The following UBR1 variants were observed in gnomAD, a reference collection of about 807,000 sequenced individuals.
UBR1 encodes the protein ubiquitin protein ligase E3 component n-recognin 1.
A neutral mutation model predicts 242.1 loss-of-function variants in UBR1; 102 were observed. That is an observed-to-expected ratio of 0.42 (90% confidence interval 0.36 to 0.50). The LOEUF (loss-of-function observed/expected upper bound fraction) is 0.50, where lower values mean the gene tolerates loss of function less well. Ranked by LOEUF, UBR1 falls within the 20% of genes least tolerant of loss-of-function variation. UBR1 has a pLI of 0.01. For synonymous variants in UBR1, 675 were observed against 684.8 expected (o/e 0.99, Z 0.22); for missense variants, 1,772 against 2,101.8 (o/e 0.84, Z 3.07).
chr15:43,013,169 T>G (rs1319773476), intron 29 of UBR1, among the ~76,000 whole-genome samples: 1 of 152,196 alleles, frequency 6.6e-6, no homozygotes, highest in Non-Finnish European at 1.5e-5. Context: ...CCTCCCAAAG[T>G]GCTGGGATTA....
rs564775057 is a variant in UBR1 at position 43,005,220 on chromosome 15, G to A, written c.3416-1290C>T. On this transcript the variant is annotated intron_variant, in intron 30 of 46. Coordinates refer to ENST00000290650, the MANE Select transcript of UBR1 (RefSeq NM_174916.3). ...TGGGAAGTGAGGAGCATCTCCGCCCGGCAGCCGCCCGGTCCAGGAGGTGGG... is the reference window on the plus strand; with the variant it reads ...TGGGAAGTGAGGAGCATCTCCGCCCAGCAGCCGCCCGGTCCAGGAGGTGGG... 3.5e-3 allele frequency among the ~76,000 whole-genome samples: 532 copies of A among 151,778 alleles called. 2 individuals carry two copies. The highest frequency in any genetic ancestry group is 0.012 in the African/African-American group (500 of 41,350).
chr15:43,034,707 G>A (rs2033308092), intron 19 of UBR1, among the ~76,000 whole-genome samples: 1 of 151,884 alleles, frequency 6.6e-6, no homozygotes, highest in South Asian at 2.1e-4. Flanking sequence ...CCAACATGGA[G>A]AAACCCTGTC....
intron 4 of UBR1, among the ~76,000 whole-genome samples, chr15:43,071,431 A>G (rs575519275): frequency 6.4e-4 from 97 of 152,336 alleles, no homozygotes; most frequent in African/African-American, 2.3e-3. Context: ...AGCAGAAGAT[A>G]GAAAGGTGGT....
In UBR1 at chr15:42,984,890, C is replaced by T; in HGVS notation, c.4050G>A (p.Arg1350=). ...GKPLFGALQN[R]QHNGLKALMQ... The stretch of plus-strand genomic sequence containing the variant: ...TACCTTGTTGGAATATACATACCTG[C>T]CTATTTTGAAGTGCTCCAAACAGAG... Residue 1350 remains arginine (R), a synonymous_variant, in exon 36 of 47, where the codon AGG becomes AGA. Transcript: ENST00000290650. 1.9e-6 allele frequency: 3 copies of T among 1,611,186 alleles called. No homozygotes were observed. Among genetic ancestry groups the T allele is most frequent in the Non-Finnish European group, 1.7e-6 (2 of 1,177,952 alleles).
chr15:42,980,953 T>C (rs2032368980), intron 37 of UBR1, among the ~76,000 whole-genome samples: 1 of 152,168 alleles, frequency 6.6e-6, no homozygotes, highest in African/African-American at 2.4e-5. Flanking sequence ...CTCATCACTT[T>C]ACATAGAAAA....
At chr15:43,070,554 G>A (rs558257327) in intron 5 of UBR1, among the ~76,000 whole-genome samples, 2 of 152,172 alleles carry the variant, frequency 1.3e-5, no homozygotes, top group Admixed American at 1.3e-4. Flanking sequence ...CAAAAATGTT[G>A]ATTTTTTTTC....
chr15:42,996,193 T>C (rs1258505514), intron 33 of UBR1, among the ~76,000 whole-genome samples: 1 of 152,242 alleles, frequency 6.6e-6, no homozygotes, highest in Non-Finnish European at 1.5e-5. Context: ...ATGAGTCCTA[T>C]TGTTTTATAC....
In UBR1 at chr15:43,060,208, A is replaced by T. The variant is rs1317572748; in HGVS notation, c.799-94T>A. 4.2e-6 allele frequency: 5 copies of T among 1,190,394 alleles called. No homozygotes were observed. In the East Asian group the frequency reaches 1.2e-4, roughly 28 times the overall value. 73.7% of individuals were successfully genotyped at this position (1,190,394 alleles called of 1,614,324 possible). A position where few individuals can be genotyped will look rare whatever the true frequency, so the allele number is the denominator to read the frequency against. On this transcript the variant is annotated intron_variant, in intron 6 of 46. Transcript: ENST00000290650. ...CAAAGACTTAATGAGCTCTTAACTG[A>T]GCTCTAATCGCGTGTTGACTAAAAG...
At chr15:43,004,351 C>A (rs1178394520) in intron 30 of UBR1, among the ~76,000 whole-genome samples, 2 of 147,120 alleles carry the variant, frequency 1.4e-5, no homozygotes, top group Non-Finnish European at 3.1e-5. Flanking sequence ...CTCTCTCTCC[C>A]TCCTCTCCTC....
intron 33 of UBR1, among the ~76,000 whole-genome samples, chr15:42,993,096 A>C (rs1469313953): frequency 6.6e-6 from 1 of 152,098 alleles, no homozygotes; most frequent in African/African-American, 2.4e-5. Context: ...TCTTTTCCTG[A>C]TCCTCTGACC....
intron 46 of UBR1, among the ~76,000 whole-genome samples, chr15:42,947,954 CA>C (rs1227509115): frequency 1.3e-5 from 2 of 151,942 alleles, no homozygotes; most frequent in African/African-American, 4.8e-5. Flanking sequence ...CATATGGAAC[CA>C]AAAAAGAGCC....
At chr15:42,954,162 G>T (rs939072798) in intron 44 of UBR1, among the ~76,000 whole-genome samples, 1 of 152,100 alleles carries the variant, frequency 6.6e-6, no homozygotes, top group African/African-American at 2.4e-5. Flanking sequence ...TGGGGTTACA[G>T]ACATGAGCCA....
chr15:43,006,768 T>A, intron 30 of UBR1, among the ~76,000 whole-genome samples: 1 of 151,960 alleles, frequency 6.6e-6, no homozygotes, highest in Non-Finnish European at 1.5e-5. Context: ...TCAAAAAAGC[T>A]ACTATCATAA....
chr15:43,007,056 G>C, intron 30 of UBR1, 23 bp downstream of exon 30: 1 of 1,609,810 alleles, frequency 6.2e-7, no homozygotes. Context: ...TGCACAAAAG[G>C]ATATTTATTA....
Position 42,976,699 on chromosome 15 carries a change from C to G in UBR1, c.4369+18G>C, listed in dbSNP as rs375821662. 6.2e-7 allele frequency: 1 copy of G among 1,613,758 alleles called. No homozygotes were observed. Among genetic ancestry groups the G allele is most frequent in the African/African-American group, 1.3e-5 (1 of 74,894 alleles). On this transcript the variant is annotated intron_variant, in intron 39 of 46. Coordinates refer to ENST00000290650, the MANE Select transcript of UBR1 (RefSeq NM_174916.3). The stretch of plus-strand genomic sequence containing the variant: ...GGCAAAATGTTATTCACAGTCAACA[C>G]CCAGATGAAAACCTTACCTGTGTCT...
intron 4 of UBR1, among the ~76,000 whole-genome samples, chr15:43,072,889 G>A (rs1286726926): frequency 2.0e-5 from 3 of 152,104 alleles, no homozygotes; most frequent in South Asian, 2.1e-4. Context: ...CTGGCTGGGC[G>A]TGGTGGCTCA....
At chr15:43,022,495 A>T (rs1287110921) in intron 26 of UBR1, among the ~76,000 whole-genome samples, 1 of 152,104 alleles carries the variant, frequency 6.6e-6, no homozygotes, top group Non-Finnish European at 1.5e-5. Context: ...GATTATAGTA[A>T]GGGATTAAAA....
intron 29 of UBR1, among the ~76,000 whole-genome samples, chr15:43,013,434 A>G (rs1596100994): frequency 1.3e-5 from 2 of 152,318 alleles, no homozygotes; most frequent in Non-Finnish European, 2.9e-5. Flanking sequence ...TTCCAATTCC[A>G]AGGTGCTATC....
chr15:43,083,135 G>A (rs995123712), intron 2 of UBR1, among the ~76,000 whole-genome samples: 1 of 152,106 alleles, frequency 6.6e-6, no homozygotes, highest in Non-Finnish European at 1.5e-5. Flanking sequence ...TAAAGACAAA[G>A]TTCATTAGAA....
Sources: gnomAD v4.1 joint callset for allele counts (sites outside exome capture counted in the v4.1 genomes callset) on GRCh38, gnomAD v4.1.1 for gene constraint, MANE v1.5 for transcripts, NCBI Gene and HGNC (gene_info 2026-07-23, HGNC 2026-07-21) for gene names.